Variants in CYRIA observed in about 807,000 individuals in gnomAD.
CYRIA encodes CYFIP-related Rac1 interactor A.
In CYRIA, 15 loss-of-function variants were observed where a neutral mutation model predicts 43.9. The ratio of observed to expected loss-of-function variants is 0.34; its 90% CI spans 0.23 to 0.53. The LOEUF (loss-of-function observed/expected upper bound fraction) is 0.53. CYRIA is among the 20% of genes least tolerant of loss of function. The pLI is 0.94. For synonymous variants in CYRIA, 117 were observed against 136.0 expected, an observed-to-expected ratio of 0.86 and a Z score of 0.97; for missense variants, 236 against 394.2, an observed-to-expected ratio of 0.60 and a Z score of 3.40.
intron 3 of CYRIA, among the ~76,000 whole-genome samples, chr2:16,582,275 C>T (rs1056925009): frequency 2.0e-5 from 3 of 152,106 alleles, no homozygotes; most frequent in African/African-American, 7.2e-5. Context: ...GGAATAATGT[C>T]AGCATTAGGC....
chr2:16,587,712 C>G (rs1667783355), intron 3 of CYRIA, among the ~76,000 whole-genome samples: 1 of 152,020 alleles, frequency 6.6e-6, no homozygotes, highest in African/African-American at 2.4e-5. Context: ...CCATACTGTT[C>G]TCATGACAGT....
chr2:16,601,426 G>A (rs2103477545), intron 2 of CYRIA, among the ~76,000 whole-genome samples: 1 of 152,210 alleles, frequency 6.6e-6, no homozygotes, highest in East Asian at 1.9e-4. Flanking sequence ...CTAGTATTTT[G>A]AAATAGGTTA....
rs1009129884 is a variant in CYRIA, at chr2:16,650,984, G to A, written c.-167+14796C>T. ...AACATTCCATTCAACGGGGGCGAGT[G>A]AGTCACCATAATCATTTATTTAGAC... On this transcript the variant is annotated intron_variant, in intron 1 of 11. Coordinates refer to ENST00000381323, the MANE Select transcript of CYRIA (RefSeq NM_030797.4). This position sits in a 1 kb window ranked among gnomAD's most constrained non-coding sequence, Gnocchi z 4.1. 1.1e-4 allele frequency among the ~76,000 whole-genome samples: 16 copies of A among 152,112 alleles called. No homozygotes were observed. Among genetic ancestry groups the A allele is most frequent in the Admixed American group, 7.9e-4 (12 of 15,276 alleles).
At chr2:16,662,988 A>G (rs1023098975) in intron 1 of CYRIA, among the ~76,000 whole-genome samples, 19 of 152,276 alleles carry the variant, frequency 1.2e-4, no homozygotes, top group African/African-American at 4.3e-4. Flanking sequence ...TACTCAATAA[A>G]TGTAAGATAC....
intron 2 of CYRIA, among the ~76,000 whole-genome samples, chr2:16,591,364 G>T (rs540512977): frequency 6.6e-6 from 1 of 152,142 alleles, no homozygotes. Context: ...AAGCAAAGAA[G>T]TGTCCCCTTC....
intron 1 of CYRIA, among the ~76,000 whole-genome samples, chr2:16,648,490 T>C (rs2103544695): frequency 6.6e-6 from 1 of 152,288 alleles, no homozygotes; most frequent in African/African-American, 2.4e-5. Context: ...CTAGAGTTAT[T>C]TGATGTGATG....
At chr2:16,607,169 G>A (rs866342282) in intron 2 of CYRIA, among the ~76,000 whole-genome samples, 4 of 152,092 alleles carry the variant, frequency 2.6e-5, no homozygotes, top group South Asian at 4.1e-4. Flanking sequence ...ACTCATCATT[G>A]CAAACAAAAC....
chr2:16,605,740 C>T (rs1668375450), intron 2 of CYRIA, among the ~76,000 whole-genome samples: 1 of 152,232 alleles, frequency 6.6e-6, no homozygotes, highest in Admixed American at 6.5e-5. Context: ...TTCGCTTAAA[C>T]AGGCTGTCAG....
chr2:16,561,555 C>T (rs756295913), intron 6 of CYRIA, 22 bp from the exon 7 acceptor site: 5 of 1,588,400 alleles, frequency 3.1e-6, no homozygotes, highest in East Asian at 2.2e-5. Context: ...AGGACAAGAG[C>T]GAAGGTCATC....
intron 1 of CYRIA, among the ~76,000 whole-genome samples, chr2:16,658,890 ACTGCAAG>A (rs1321920349): frequency 6.6e-6 from 1 of 152,142 alleles, no homozygotes; most frequent in African/African-American, 2.4e-5. Flanking sequence ...CCTTCCCATG[ACTGCAAG>A]CTGTACCAAG....
rs555687785 is a variant in CYRIA, at chr2:16,587,876, C to T, written c.70+174G>A. Among the ~76,000 whole-genome samples the T allele has an allele frequency of 2.2e-4, 33 of 152,158 alleles. No individual in the cohort carries two copies. The South Asian group carries it at 4.4e-3, about 20-fold the overall frequency. On this transcript the variant is annotated intron_variant, in intron 3 of 11. Coordinates refer to ENST00000381323, the MANE Select transcript of CYRIA (RefSeq NM_030797.4). The stretch of plus-strand genomic sequence containing the variant: ...TGGAACCGTGAGTCAAACCTCTTTC[C>T]TTTATAAATTACTCAGTCTCATGTA...
Position 16,629,638 on chromosome 2 carries a change from G to A in CYRIA, c.-166-5619C>T, listed in dbSNP as rs969310046. Among the ~76,000 whole-genome samples the A allele has an allele frequency of 8.5e-5, 13 of 152,204 alleles. No homozygotes were observed. The South Asian group carries it at 1.0e-3, about 12-fold the overall frequency. On this transcript the variant is annotated intron_variant, in intron 1 of 11. Coordinates refer to ENST00000381323, the MANE Select transcript of CYRIA (RefSeq NM_030797.4). ...CCTAGAAACTGGCAGGGCTCTTGGA[G>A]GCACTGACGTGCAGGGCTCTGGGCC...
At chr2:16,555,252 CA>C in intron 10 of CYRIA, 113 bp from the exon 11 acceptor site, 1 of 1,032,422 alleles carries the variant, frequency 9.7e-7, no homozygotes, top group Non-Finnish European at 1.4e-6. Flanking sequence ...CATAGAAATC[CA>C]ACGCAGAAAT....
At chr2:16,615,233 G>A (rs532163036) in intron 2 of CYRIA, among the ~76,000 whole-genome samples, 1 of 152,280 alleles carries the variant, frequency 6.6e-6, no homozygotes, top group East Asian at 1.9e-4. Flanking sequence ...AATCCTCAGT[G>A]TCCTCAAGTT....
intron 3 of CYRIA, among the ~76,000 whole-genome samples, chr2:16,575,878 AAAATAAATAAAT>A (rs71297007): frequency 6.8e-6 from 1 of 147,996 alleles, no homozygotes; most frequent in East Asian, 2.0e-4. Context: ...ATAAATAAAT[AAAATAAATAAAT>A]AAATAAATAA....
At chr2:16,608,499 T>C (rs908796250) in intron 2 of CYRIA, among the ~76,000 whole-genome samples, 12 of 152,146 alleles carry the variant, frequency 7.9e-5, no homozygotes, top group Admixed American at 7.9e-4. Flanking sequence ...AGGACGGCGT[T>C]TTGTAGTGTG....
At chr2:16,624,121 G>A (rs1327750677) in intron 1 of CYRIA, 102 bp from the exon 2 acceptor site, 1 of 152,228 alleles carries the variant, frequency 6.6e-6, no homozygotes, top group African/African-American at 2.4e-5. Flanking sequence ...CAAGATCACA[G>A]ATTATCAGGC....
intron 2 of CYRIA, among the ~76,000 whole-genome samples, chr2:16,591,424 T>C (rs1291416913): frequency 6.6e-6 from 1 of 152,094 alleles, no homozygotes; most frequent in East Asian, 1.9e-4. Context: ...AGAAGTACAG[T>C]TTTTTTAACT....
intron 5 of CYRIA, 27 bp from the exon 6 acceptor site, chr2:16,562,168 T>G: frequency 6.3e-7 from 1 of 1,596,668 alleles, no homozygotes; most frequent in Non-Finnish European, 8.5e-7. Flanking sequence ...TAAATAGATA[T>G]GTTGGAGGTG....
Sources: gnomAD v4.1 joint callset for allele counts (sites outside exome capture counted in the v4.1 genomes callset) on GRCh38, gnomAD v4.1.1 for gene constraint, Gnocchi (gnomAD v3.1) non-coding constraint, MANE v1.5 for transcripts, NCBI Gene and HGNC (gene_info 2026-07-23, HGNC 2026-07-21) for gene names.